LARS1: variants seen among roughly 807,000 people sequenced by gnomAD.
LARS1 encodes leucine--tRNA ligase, cytoplasmic.
A neutral mutation model predicts 162.8 loss-of-function variants in LARS1; 100 were observed. The ratio of observed to expected loss-of-function variants is 0.61; its 90% confidence interval spans 0.52 to 0.73. The LOEUF (loss-of-function observed/expected upper bound fraction) is 0.73, where lower values mean the gene tolerates loss of function less well. Ranked by LOEUF, LARS1 falls within the 30% of genes least tolerant of loss-of-function variation. The probability of loss-of-function intolerance (pLI) is 0.00; values close to 1 mark genes in which losing one functional copy is unlikely to be tolerated. For missense variants in LARS1, 1,258 were observed against 1,408.9 expected, an observed-to-expected ratio of 0.89 and a Z score of 1.71; for synonymous variants, 457 against 462.8, an observed-to-expected ratio of 0.99 and a Z score of 0.16.
chr5:146,182,580 G>C lies in LARS1; in HGVS notation c.-87C>G, dbSNP rs11540215. 1 of 1,575,170 alleles carries C rather than the reference G, an allele frequency of 6.3e-7. No homozygotes were observed. Among genetic ancestry groups the C allele is most frequent in the Non-Finnish European group, 8.7e-7 (1 of 1,145,424 alleles). On this transcript the variant is annotated 5_prime_UTR_variant, in exon 1 of 32. Coordinates refer to ENST00000394434, the MANE Select transcript of LARS1 (RefSeq NM_020117.11). ...TGGTTACCTTTCCCCTCCCTCTCGG[G>C]GATGCCAGGCCTCCCACGAAACTAA...
At chr5:146,175,420 G>A (rs887076529) in intron 2 of LARS1, among the ~76,000 whole-genome samples, 13 of 151,460 alleles carry the variant, frequency 8.6e-5, no homozygotes, top group Admixed American at 6.6e-4. Flanking sequence ...GCATGCACCT[G>A]TAATCCCAGC....
At chr5:146,157,899 G>A (rs2126535984) in intron 8 of LARS1, 104 bp from the exon 9 acceptor site, 2 of 1,113,364 alleles carry the variant, frequency 1.8e-6, no homozygotes, top group Admixed American at 2.1e-5. Context: ...ATGGGTTCTT[G>A]CATTATTAAT....
intron 30 of LARS1, among the ~76,000 whole-genome samples, chr5:146,121,792 T>C (rs1013217522): frequency 9.2e-5 from 14 of 151,740 alleles, no homozygotes; most frequent in African/African-American, 3.1e-4. Context: ...CACATGGACA[T>C]AGGGAGGAGA....
At chr5:146,157,653 T>C (rs752194958) in intron 9 of LARS1, 25 bp from the exon 10 acceptor site, 7 of 1,612,790 alleles carry the variant, frequency 4.3e-6, no homozygotes, top group Non-Finnish European at 5.1e-6. Flanking sequence ...CAAATATTGA[T>C]GTAAAAACAT....
intron 4 of LARS1, among the ~76,000 whole-genome samples, chr5:146,168,572 C>T (rs1454641352): frequency 6.6e-6 from 1 of 152,076 alleles, no homozygotes; most frequent in Non-Finnish European, 1.5e-5. Context: ...GTAATCCCAG[C>T]TACTTGGGAG....
intron 2 of LARS1, among the ~76,000 whole-genome samples, chr5:146,173,824 T>C (rs1290828536): frequency 6.6e-6 from 1 of 152,160 alleles, no homozygotes; most frequent in Non-Finnish European, 1.5e-5. Flanking sequence ...TGTTTTTGAA[T>C]AGTTTGCACA....
At chr5:146,159,559 A>T in intron 7 of LARS1, 89 bp from the exon 8 acceptor site, 2 of 939,242 alleles carry the variant, frequency 2.1e-6, no homozygotes, top group Non-Finnish European at 1.7e-6. Context: ...AATTTCTTAC[A>T]TGTCTTGCAA....
chr5:146,181,374 C>A (rs1329994575), intron 1 of LARS1, among the ~76,000 whole-genome samples: 4 of 151,052 alleles, frequency 2.6e-5, no homozygotes, highest in East Asian at 2.0e-4. Context: ...AACAAACAAA[C>A]AAAAAACAAA....
chr5:146,180,659 TTC>T (rs2126617946), intron 1 of LARS1, among the ~76,000 whole-genome samples: 1 of 152,350 alleles, frequency 6.6e-6, no homozygotes, highest in South Asian at 2.1e-4. Flanking sequence ...TATTTGAGTT[TTC>T]TGTTTCTCAG....
chr5:146,141,398 A>T (rs1204004303), intron 20 of LARS1, among the ~76,000 whole-genome samples: 1 of 152,234 alleles, frequency 6.6e-6, no homozygotes, highest in Non-Finnish European at 1.5e-5. Context: ...TGTAATTTTT[A>T]AAAACCTAAC....
rs1454491414 is a variant in LARS1 at position 146,124,066 on chromosome 5, C to A, written c.3012G>T (p.Gly1004=). 1 of 1,608,614 alleles carries A rather than the reference C, an allele frequency of 6.2e-7. No homozygotes were observed. Among genetic ancestry groups the A allele is most frequent in the Non-Finnish European group, 8.5e-7 (1 of 1,176,864 alleles). ...AMIKENLEKM[G]PRILDLQLEF... ...CTAATTGCAAATCCAGAATACGAGG[C>A]CCCATCTTCTCCAGATTTTCCTAAT... is the stretch of plus-strand genomic sequence containing the variant. Residue 1004 remains glycine, a synonymous_variant, in exon 29 of 32, where the codon GGG becomes GGT. Coordinates refer to ENST00000394434, the MANE Select transcript of LARS1 (RefSeq NM_020117.11).
At chr5:146,126,395 T>C (rs746861510) in intron 28 of LARS1, 40 bp downstream of exon 28, 11 of 1,255,902 alleles carry the variant, frequency 8.8e-6, no homozygotes, top group African/African-American at 4.4e-5. Flanking sequence ...CATCTAACCA[T>C]TGCTCATGTG....
At chr5:146,157,959 C>T (rs1181335176) in intron 8 of LARS1, among the ~76,000 whole-genome samples, 164 bp from the exon 9 acceptor site, 1 of 152,096 alleles carries the variant, frequency 6.6e-6, no homozygotes, top group African/African-American at 2.4e-5. Flanking sequence ...TATACCCACA[C>T]AGAAGTCTAG....
intron 2 of LARS1, among the ~76,000 whole-genome samples, chr5:146,173,686 T>C (rs1480208451): frequency 3.3e-5 from 5 of 152,192 alleles, no homozygotes; most frequent in Non-Finnish European, 5.9e-5. Flanking sequence ...TACTGTGTTA[T>C]GAAGCATAAT....
rs570627062 is a variant in LARS1, at chr5:146,118,491, CA to C, written c.3325+1879del. Among the ~76,000 whole-genome samples the C allele has an allele frequency of 3.9e-5, 6 of 152,242 alleles. No homozygotes were observed. In the South Asian group the frequency reaches 1.2e-3, roughly 32 times the overall value. On this transcript the variant is annotated intron_variant, in intron 31 of 31. Coordinates refer to ENST00000394434, the MANE Select transcript of LARS1 (RefSeq NM_020117.11). ...GTTCATAATAATATATGGTACATTT[CA>C]AAATAGCTGTAAGAGGAGCTGTTTG...
intron 18 of LARS1, 70 bp downstream of exon 18, chr5:146,144,197 A>C (rs1047764361): frequency 1.3e-5 from 15 of 1,132,126 alleles, no homozygotes; most frequent in Non-Finnish European, 1.7e-5. Context: ...GCAGGGGGGA[A>C]AGGTAAAAAT....
At chr5:146,127,244 CAATTCT>C in intron 27 of LARS1, among the ~76,000 whole-genome samples, 1 of 152,000 alleles carries the variant, frequency 6.6e-6, no homozygotes, top group South Asian at 2.1e-4. Flanking sequence ...AATCTATTTT[CAATTCT>C]AACTTTTACT....
chr5:146,130,117 C>A lies in LARS1; in HGVS notation c.2529G>T (p.Met843Ile), dbSNP rs1374423548. The A allele has an allele frequency of 6.2e-7, 1 of 1,613,822 alleles. No individual in the cohort carries two copies. Among genetic ancestry groups the A allele is most frequent in the East Asian group, 2.2e-5 (1 of 44,872 alleles). ...TAAACCGGAACACAAGTTCTCTGTG[C>A]ATCCCTTCCACAGCCAATTCACGGT... Reference protein sequence around the residue: ...DKYRELAVEGMHRELVFRFIE... With the variant: ...DKYRELAVEGIHRELVFRFIE... Residue 843 changes from methionine (M) to isoleucine (I), a missense_variant, in exon 25 of 32, where the codon ATG (methionine) becomes ATT (isoleucine). By Grantham distance (10) the Met-to-Ile change is conservative. Transcript: ENST00000394434.
chr5:146,181,841 A>AT (rs1181046830), intron 1 of LARS1, among the ~76,000 whole-genome samples: 9 of 24,002 alleles, frequency 3.7e-4, no homozygotes, highest in Non-Finnish European at 4.4e-4. Flanking sequence ...GAGGCGCTCA[A>AT]TTTTTTCTTT....
Sources: allele counts gnomAD v4.1 joint callset (sites outside exome capture counted in the v4.1 genomes callset), GRCh38; gene constraint gnomAD v4.1.1; transcripts MANE v1.5; gene names NCBI Gene and HGNC (gene_info 2026-07-23, HGNC 2026-07-21).